The following TTC6 variants were observed in gnomAD, a reference collection of about 807,000 sequenced individuals.
TTC6 encodes the protein tetratricopeptide repeat domain 6.
A neutral mutation model predicts 210.4 loss-of-function variants in TTC6; 172 were observed. The observed-to-expected ratio is 0.82, with a 90% CI of 0.72 to 0.93. TTC6 has a LOEUF of 0.93. TTC6 is among the 40% of genes least tolerant of loss of function. TTC6 has a pLI of 0.00. For synonymous variants in TTC6, 804 were observed against 819.6 expected (o/e 0.98, Z 0.32); for missense variants, 2,414 against 2,318.1 (o/e 1.04, Z -0.85).
chr14:37,768,357 T>C (rs1481404435), intron 14 of TTC6, among the ~76,000 whole-genome samples: 2 of 151,708 alleles, frequency 1.3e-5, no homozygotes, highest in African/African-American at 2.4e-5. Context: ...GGTAGCTTGA[T>C]GGGGATGGCA....
At chr14:37,670,517 C>T (rs1285339641) in intron 1 of TTC6, among the ~76,000 whole-genome samples, 1 of 133,246 alleles carries the variant, frequency 7.5e-6, no homozygotes, top group African/African-American at 2.7e-5. Context: ...GTTGTCGAGG[C>T]TGGAGTGCAG....
intron 5 of TTC6, among the ~76,000 whole-genome samples, 193 bp downstream of exon 7, chr14:37,701,719 A>G (rs530894169): frequency 9.2e-5 from 14 of 152,128 alleles, no homozygotes; most frequent in Non-Finnish European, 1.8e-4. Context: ...GACAATATTA[A>G]CATGAACCCA....
intron 10 of TTC6, among the ~76,000 whole-genome samples, chr14:37,745,175 A>G (rs1000950213): frequency 1.3e-5 from 2 of 152,326 alleles, no homozygotes; most frequent in African/African-American, 4.8e-5. Context: ...TGTCAGGTCA[A>G]CAGCTGCAAA....
intron 14 of TTC6, among the ~76,000 whole-genome samples, chr14:37,770,546 AC>A (rs1459115880): frequency 6.6e-6 from 1 of 151,730 alleles, no homozygotes; most frequent in Admixed American, 6.6e-5. Flanking sequence ...TGATCCCTTT[AC>A]CATTATGTAA....
chr14:37,772,996 G>A (rs976464199), intron 14 of TTC6, among the ~76,000 whole-genome samples: 2 of 152,070 alleles, frequency 1.3e-5, no homozygotes, highest in Admixed American at 6.5e-5. Context: ...TTTCTCTAAC[G>A]ATTAGTGATA....
chr14:37,734,888 GT>G (rs1156414012), intron 7 of TTC6, among the ~76,000 whole-genome samples: 1 of 151,956 alleles, frequency 6.6e-6, no homozygotes. Context: ...CGGTACTAAG[GT>G]TTTTGTCCTT....
intron 7 of TTC6, among the ~76,000 whole-genome samples, chr14:37,735,617 G>A (rs12436962): frequency 0.62 from 94,486 of 151,932 alleles, 30,508 homozygotes; most frequent in East Asian, 0.9. Flanking sequence ...CATAAATTCA[G>A]TGTTAACCTA....
intron 1 of TTC6, among the ~76,000 whole-genome samples, chr14:37,667,598 C>A (rs1467693276): frequency 6.6e-6 from 1 of 150,526 alleles, no homozygotes; most frequent in East Asian, 1.9e-4. Context: ...AGACAGGGCT[C>A]CCTATATTTA....
intron 7 of TTC6, among the ~76,000 whole-genome samples, chr14:37,727,779 T>C (rs896002200): frequency 1.3e-5 from 2 of 152,302 alleles, no homozygotes; most frequent in African/African-American, 4.8e-5. Context: ...TGATACACCA[T>C]AGTGTTTAAA....
chr14:37,747,090 T>C (rs557486107), intron 10 of TTC6, among the ~76,000 whole-genome samples: 1 of 152,342 alleles, frequency 6.6e-6, no homozygotes, highest in East Asian at 1.9e-4. Context: ...GTTGTCCTAA[T>C]GACTTAAAGC....
At chr14:37,827,126 T>C (rs928467838) in intron 28 of TTC6, 70 bp from the exon 31 acceptor site, 27 of 1,287,824 alleles carry the variant, frequency 2.1e-5, no homozygotes, top group Non-Finnish European at 2.4e-5. Context: ...CTAATGTTCA[T>C]TTTGGCAGAC....
At chr14:37,704,549 T>A (rs1272508297) in intron 5 of TTC6, among the ~76,000 whole-genome samples, 1 of 152,120 alleles carries the variant, frequency 6.6e-6, no homozygotes, top group African/African-American at 2.4e-5. Flanking sequence ...TTTTTTCCTT[T>A]TGAGAATTAC....
At chr14:37,725,294 A>ATGTG (rs1251519630) in intron 7 of TTC6, among the ~76,000 whole-genome samples, 3 of 76,108 alleles carry the variant, frequency 3.9e-5, no homozygotes, top group African/African-American at 1.3e-4. Context: ...TTATATATGT[A>ATGTG]TGTATGTGTG....
chr14:37,686,148 C>T (rs983364895), intron 3 of TTC6, among the ~76,000 whole-genome samples: 1 of 151,950 alleles, frequency 6.6e-6, no homozygotes, highest in Admixed American at 6.6e-5. Context: ...CTCTCTTTAC[C>T]CTTTACTAGT....
intron 12 of TTC6, 52 bp downstream of exon 14, chr14:37,749,895 T>C (rs2095946701): frequency 8.6e-7 from 1 of 1,168,348 alleles, no homozygotes. Flanking sequence ...CCTCAGCCTT[T>C]GTCATTTATT....
Position 37,611,547 on chromosome 14 carries a change from C to T in TTC6, c.-155+4805C>T, listed in dbSNP as rs572664093. Among the ~76,000 whole-genome samples, 5 of 152,146 alleles carry T rather than the reference C, an allele frequency of 3.3e-5. No homozygotes were observed. In the South Asian group the frequency reaches 8.3e-4, roughly 25 times the overall value. ...GGCACTGGGGCTGGAGTTTGGGCTG[C>T]CTTTCGTGGGAGAATGAGCACGGGT... On this transcript the variant is annotated intron_variant, in intron 2 of 2. Transcript: ENST00000556845.
intron 1 of TTC6, among the ~76,000 whole-genome samples, chr14:37,646,473 A>G (rs1298975552): frequency 6.6e-6 from 1 of 152,308 alleles, no homozygotes; most frequent in Middle Eastern, 3.4e-3. Context: ...TGGATAGGAA[A>G]AAAGAAAGTA....
In TTC6 at chr14:37,634,949, C is replaced by G. The variant is rs368564536; in HGVS notation, c.939+11946C>G. Among the ~76,000 whole-genome samples, 35 of 152,026 alleles carry G rather than the reference C, an allele frequency of 2.3e-4. No individual in the cohort carries two copies. In the South Asian group the frequency reaches 2.7e-3, roughly 12 times the overall value. On this transcript the variant is annotated intron_variant, in intron 1 of 30. Transcript: ENST00000553443. ...GTAGGACTTTTTTTTTCCAGCAGTT[C>G]TACCCTAGAAGGATGAGTAAAGGAA...
intron 2 of TTC6, 62 bp downstream of exon 4, chr14:37,680,323 T>C: frequency 9.0e-7 from 1 of 1,105,080 alleles, no homozygotes; most frequent in Non-Finnish European, 1.3e-6. Context: ...TTCCTGTTGC[T>C]TGAATGTTTA....
Sources: gnomAD v4.1 joint callset for allele counts (sites outside exome capture counted in the v4.1 genomes callset) on GRCh38, gnomAD v4.1.1 for gene constraint, MANE v1.5 for transcripts, NCBI Gene and HGNC (gene_info 2026-07-23, HGNC 2026-07-21) for gene names.